FAM13B: variants seen among roughly 807,000 people sequenced by gnomAD.
FAM13B encodes protein FAM13B.
Under a neutral mutation model 117.3 loss-of-function variants are expected in FAM13B, and 60 were observed. The ratio of observed to expected loss-of-function variants is 0.51; its 90% CI spans 0.42 to 0.63. The LOEUF is 0.63. Ranked by LOEUF, FAM13B falls within the 30% of genes least tolerant of loss-of-function variation. The pLI, the probability that FAM13B is intolerant of heterozygous loss-of-function variation, is 0.00. For missense variants in FAM13B, 972 were observed against 1,091.9 expected (o/e 0.89, Z 1.55); for synonymous variants, 332 against 356.1 (o/e 0.93, Z 0.76).
intron 1 of FAM13B, among the ~76,000 whole-genome samples, chr5:138,031,568 C>G (rs1790019835): frequency 6.6e-6 from 1 of 151,888 alleles, no homozygotes; most frequent in Non-Finnish European, 1.5e-5. Context: ...GCCTGTAGTC[C>G]CAGCTACTCA....
At chr5:137,996,137 T>C (rs1779801884) in intron 7 of FAM13B, among the ~76,000 whole-genome samples, 1 of 152,132 alleles carries the variant, frequency 6.6e-6, no homozygotes, top group Non-Finnish European at 1.5e-5. Flanking sequence ...AACCAGTTTT[T>C]TGTTTTTTGT....
At chr5:137,948,638 T>C (rs2150172735) in intron 18 of FAM13B, among the ~76,000 whole-genome samples, 1 of 152,256 alleles carries the variant, frequency 6.6e-6, no homozygotes, top group East Asian at 1.9e-4. Flanking sequence ...CAGGCAATCC[T>C]CCTGCCTCGA....
intron 13 of FAM13B, among the ~76,000 whole-genome samples, chr5:137,958,599 G>A (rs1767234859): frequency 6.6e-6 from 1 of 152,172 alleles, no homozygotes; most frequent in East Asian, 1.9e-4. Flanking sequence ...ACAACCCAGG[G>A]ATCTTCATCC....
chr5:137,991,749 C>A (rs1778647541), intron 7 of FAM13B, among the ~76,000 whole-genome samples: 1 of 152,130 alleles, frequency 6.6e-6, no homozygotes, highest in African/African-American at 2.4e-5. Flanking sequence ...TTGGCCCCAA[C>A]CTCACACATG....
At chr5:137,980,081 G>A (rs1339371260) in intron 10 of FAM13B, among the ~76,000 whole-genome samples, 1 of 150,600 alleles carries the variant, frequency 6.6e-6, no homozygotes, top group Admixed American at 6.6e-5. Context: ...GCTGAGGCAG[G>A]AGAATCACTT....
At chr5:137,960,904 T>G (rs895391392) in intron 11 of FAM13B, among the ~76,000 whole-genome samples, 1 of 152,208 alleles carries the variant, frequency 6.6e-6, no homozygotes, top group African/African-American at 2.4e-5. Context: ...ATTATCAATA[T>G]GCCTACTGGG....
At chr5:137,946,503 T>G (rs1224083198) in intron 18 of FAM13B, 192 bp from the exon 19 acceptor site, 3 of 490,256 alleles carry the variant, frequency 6.1e-6, no homozygotes, top group Non-Finnish European at 1.1e-5. Flanking sequence ...CCTGTACAAT[T>G]TGCTCTTATA....
At chr5:137,982,321 G>C (rs745575517) in intron 10 of FAM13B, among the ~76,000 whole-genome samples, 1 of 152,176 alleles carries the variant, frequency 6.6e-6, no homozygotes, top group Non-Finnish European at 1.5e-5. Context: ...GGGAGGCCAC[G>C]GCAGGCAGAT....
chr5:137,981,127 T>A (rs896677428), intron 10 of FAM13B, among the ~76,000 whole-genome samples: 8 of 147,162 alleles, frequency 5.4e-5, no homozygotes, highest in Non-Finnish European at 7.5e-5. Context: ...TACAGATGGG[T>A]TCTCCTCCTT....
intron 7 of FAM13B, among the ~76,000 whole-genome samples, chr5:138,002,832 ATT>A (rs377234068): frequency 2.2e-4 from 31 of 138,966 alleles, no homozygotes; most frequent in African/African-American, 2.9e-4. Flanking sequence ...CACCCGGCTA[ATT>A]TTTTTTTTTT....
At chr5:138,037,025 A>G (rs78719760), upstream of FAM13B, 13 of 176,168 alleles carry the variant, frequency 7.4e-5, no homozygotes, top group East Asian at 2.0e-3. Flanking sequence ...TGTTTGTTAC[A>G]GAGATGAGAG....
rs1024639326 is a variant in FAM13B at position 137,950,411 on chromosome 5, G to A, written c.1931-1227C>T. Among the ~76,000 whole-genome samples the A allele has an allele frequency of 3.3e-5, 5 of 152,312 alleles. No homozygotes were observed. The East Asian group carries it at 7.7e-4, about 24-fold the overall frequency. On this transcript the variant is annotated intron_variant, in intron 17 of 23. Coordinates refer to ENST00000689681, the MANE Select transcript of FAM13B (RefSeq NM_001385994.1). ...CTTGGCAAGTTTGAGGAACAGAAAA[G>A]AGATGAAAGTGATAAAATCGGCCAA... is the stretch of plus-strand genomic sequence containing the variant.
In FAM13B at chr5:138,019,130, A is replaced by T. The variant is rs1785974735; in HGVS notation, c.-19T>A. On this transcript the variant is annotated 5_prime_UTR_variant, in exon 3 of 24. Coordinates refer to ENST00000689681, the MANE Select transcript of FAM13B (RefSeq NM_001385994.1). ...TCCTCATATCTTTTTTGCAGCCAGA[A>T]ATCAAAGCTGTCTTTTCTGCCAAAT... The T allele has an allele frequency of 1.9e-6, 3 of 1,604,788 alleles. No homozygotes were observed. Among genetic ancestry groups the T allele is most frequent in the Non-Finnish European group, 2.5e-6 (3 of 1,176,982 alleles).
chr5:137,957,331 C>T (rs889854821), intron 13 of FAM13B, among the ~76,000 whole-genome samples: 10 of 152,012 alleles, frequency 6.6e-5, no homozygotes, highest in Non-Finnish European at 1.2e-4. Context: ...CACCCGAGGC[C>T]GGGAGTTTGA....
At chr5:138,046,304 G>A (rs1206934239) in intron 1 of FAM13B, among the ~76,000 whole-genome samples, 1 of 152,200 alleles carries the variant, frequency 6.6e-6, no homozygotes, top group Non-Finnish European at 1.5e-5. Flanking sequence ...GTCTTTATCA[G>A]CAGTGTGAAA....
chr5:137,965,560 T>A (rs1769457602), intron 10 of FAM13B, among the ~76,000 whole-genome samples: 1 of 152,216 alleles, frequency 6.6e-6, no homozygotes, highest in South Asian at 2.1e-4. Flanking sequence ...TCAAGCATGC[T>A]AGTTACTTCT....
upstream of FAM13B, among the ~76,000 whole-genome samples, chr5:138,037,946 C>A (rs1449881878): frequency 6.6e-6 from 1 of 152,144 alleles, no homozygotes; most frequent in Non-Finnish European, 1.5e-5. Flanking sequence ...TTAGTTGTAC[C>A]TTAGATTCCC....
At chr5:138,005,148 A>T (rs1343794052) in intron 7 of FAM13B, among the ~76,000 whole-genome samples, 2 of 152,200 alleles carry the variant, frequency 1.3e-5, no homozygotes, top group Non-Finnish European at 2.9e-5. Flanking sequence ...AAGGCATGAG[A>T]ATCACTTGAA....
Position 137,939,914 on chromosome 5 carries a change from G to A in FAM13B, c.*311C>T, listed in dbSNP as rs1216842177. ...AAAAGCTTGCATTTCCAAAGTTCTT[G>A]AAGTTGAAAGGATAAAATTCCAGTC... On this transcript the variant is annotated 3_prime_UTR_variant, in exon 24 of 24. Transcript: ENST00000689681. 1 of 1,325,754 alleles carries A rather than the reference G, an allele frequency of 7.5e-7. No individual in the cohort carries two copies. The allele number at this position is 1,325,754 out of a possible 1,614,324, so 82.1% of individuals were successfully genotyped here.
Sources: gnomAD v4.1 joint callset for allele counts (sites outside exome capture counted in the v4.1 genomes callset) on GRCh38, gnomAD v4.1.1 for gene constraint, MANE v1.5 for transcripts, NCBI Gene and HGNC (gene_info 2026-07-23, HGNC 2026-07-21) for gene names.